MPP7: variants seen among roughly 807,000 people sequenced by gnomAD.
MPP7 encodes the protein MAGUK p55 scaffold protein 7.
Under a neutral mutation model 76.5 loss-of-function variants are expected in MPP7, and 60 were observed. The observed-to-expected ratio is 0.78, with a 90% CI of 0.64 to 0.97. The LOEUF (loss-of-function observed/expected upper bound fraction) is 0.97, where lower values mean the gene tolerates loss of function less well. Ranked by LOEUF, MPP7 falls within the 50% of genes least tolerant of loss-of-function variation. The pLI is 0.00. For missense variants in MPP7, 641 were observed against 694.0 expected, an observed-to-expected ratio of 0.92 and a Z score of 0.86; for synonymous variants, 237 against 244.5, an observed-to-expected ratio of 0.97 and a Z score of 0.29.
At chr10:28,115,052 G>A (rs1834619382) in intron 11 of MPP7, among the ~76,000 whole-genome samples, 1 of 151,646 alleles carries the variant, frequency 6.6e-6, no homozygotes, top group African/African-American at 2.4e-5. Context: ...ATTAGTATTA[G>A]GGGAAAAATA....
chr10:28,262,342 G>A (rs964549930), intron 1 of MPP7, among the ~76,000 whole-genome samples: 5 of 142,180 alleles, frequency 3.5e-5, no homozygotes, highest in East Asian at 2.1e-4. Flanking sequence ...GTGATCCACC[G>A]GCCTCGGCCT....
intron 1 of MPP7, among the ~76,000 whole-genome samples, chr10:28,285,206 T>G (rs1261721098): frequency 7.2e-5 from 11 of 152,180 alleles, no homozygotes; most frequent in Admixed American, 7.2e-4. Flanking sequence ...TTTTTTGAGA[T>G]GAAGTTTCGC....
intron 11 of MPP7, among the ~76,000 whole-genome samples, chr10:28,114,578 TC>T (rs1834603475): frequency 6.6e-6 from 1 of 152,138 alleles, no homozygotes; most frequent in African/African-American, 2.4e-5. Flanking sequence ...TGTGTGACAC[TC>T]CTGACAAGTG....
At chr10:28,113,577 G>C (rs1834571092) in intron 11 of MPP7, among the ~76,000 whole-genome samples, 1 of 152,114 alleles carries the variant, frequency 6.6e-6, no homozygotes, top group South Asian at 2.1e-4. Flanking sequence ...TCTGGTCACA[G>C]GTGGACACTT....
At chr10:28,256,499 C>T (rs1839790860) in intron 1 of MPP7, among the ~76,000 whole-genome samples, 1 of 151,810 alleles carries the variant, frequency 6.6e-6, no homozygotes, top group Non-Finnish European at 1.5e-5. Flanking sequence ...ACTGACTAAG[C>T]ATCATTAGAC....
intron 5 of MPP7, among the ~76,000 whole-genome samples, chr10:28,141,012 C>T (rs948563297): frequency 2.9e-4 from 44 of 151,798 alleles, no homozygotes; most frequent in African/African-American, 1.0e-3. Context: ...TTTTTAAATA[C>T]TAAAGTAAAA....
chr10:28,189,833 A>G (rs929380507), intron 3 of MPP7, among the ~76,000 whole-genome samples: 1 of 152,132 alleles, frequency 6.6e-6, no homozygotes, highest in Non-Finnish European at 1.5e-5. Context: ...ATATCAACAG[A>G]CACTTCAAAT....
chr10:28,136,857 C>G (rs1835368291), intron 5 of MPP7, among the ~76,000 whole-genome samples: 1 of 152,122 alleles, frequency 6.6e-6, no homozygotes, highest in Non-Finnish European at 1.5e-5. Context: ...ACTTAGTGAT[C>G]TGGGCAACTA....
intron 2 of MPP7, among the ~76,000 whole-genome samples, chr10:28,322,508 C>T (rs1029960771): frequency 3.9e-5 from 6 of 152,220 alleles, no homozygotes; most frequent in African/African-American, 1.4e-4. Context: ...CAGCCAGGCC[C>T]CAACCTTTCT....
chr10:28,198,827 G>A (rs931935608), intron 3 of MPP7, among the ~76,000 whole-genome samples: 2 of 152,170 alleles, frequency 1.3e-5, no homozygotes, highest in African/African-American at 4.8e-5. Flanking sequence ...GATGGGTCCT[G>A]GATGCAGCTC....
chr10:28,177,407 CAAAA>C (rs374281842), intron 3 of MPP7, among the ~76,000 whole-genome samples: 2 of 126,760 alleles, frequency 1.6e-5, no homozygotes. Context: ...GACTCCATTT[CAAAA>C]AAAAAAAAAA....
rs561110187 is a variant in MPP7 at position 28,162,388 on chromosome 10, C to A, written c.157-12329G>T. 2.6e-5 allele frequency among the ~76,000 whole-genome samples: 4 copies of A among 152,090 alleles called. No homozygotes were observed. In the South Asian group the frequency reaches 8.3e-4, roughly 32 times the overall value. On this transcript the variant is annotated intron_variant, in intron 3 of 16. Transcript: ENST00000683449. Reference sequence around the variant, plus strand: ...ATGGTAATAGCAGAGAAAAATGCCACCCACAGGTCAGGAGACTCTGAAATA... The same window carrying A: ...ATGGTAATAGCAGAGAAAAATGCCAACCACAGGTCAGGAGACTCTGAAATA...
chr10:28,312,119 C>T (rs1437100399), intron 2 of MPP7, among the ~76,000 whole-genome samples: 1 of 152,122 alleles, frequency 6.6e-6, no homozygotes, highest in Non-Finnish European at 1.5e-5. Flanking sequence ...AGCGAAAGAA[C>T]AAAGCTTCCA....
At chr10:28,118,020 A>T in intron 11 of MPP7, 1 of 909,652 alleles carries the variant, frequency 1.1e-6, no homozygotes, top group Non-Finnish European at 1.3e-6. Flanking sequence ...AAAAACAAAA[A>T]AAAACAAAAT....
intron 1 of MPP7, among the ~76,000 whole-genome samples, chr10:28,300,347 A>G (rs1841127084): frequency 6.6e-6 from 1 of 152,194 alleles, no homozygotes; most frequent in South Asian, 2.1e-4. Context: ...TACTTTACAA[A>G]CAGCCAAAAT....
chr10:28,063,116 C>T (rs1462299645), intron 13 of MPP7, among the ~76,000 whole-genome samples: 1 of 151,700 alleles, frequency 6.6e-6, no homozygotes, highest in Non-Finnish European at 1.5e-5. Context: ...GACATGTATC[C>T]AACAGTATGT....
At chr10:28,142,145 C>T (rs1302441136) in intron 5 of MPP7, among the ~76,000 whole-genome samples, 1 of 151,908 alleles carries the variant, frequency 6.6e-6, no homozygotes, top group African/African-American at 2.4e-5. Flanking sequence ...AACTCAGTGC[C>T]CAGAAGTCAT....
intron 1 of MPP7, among the ~76,000 whole-genome samples, chr10:28,331,263 A>T (rs377438536): frequency 4.4e-4 from 67 of 152,246 alleles, no homozygotes; most frequent in African/African-American, 1.6e-3. Flanking sequence ...GCCTTCAATT[A>T]ACTTCCTTCT....
At chr10:28,273,366 T>C (rs1011672612) in intron 1 of MPP7, among the ~76,000 whole-genome samples, 9 of 152,230 alleles carry the variant, frequency 5.9e-5, no homozygotes, top group African/African-American at 2.2e-4. Context: ...TACAAAAGAA[T>C]TCTATCTAGA....
Sources: gnomAD v4.1 joint callset for allele counts (sites outside exome capture counted in the v4.1 genomes callset) on GRCh38, gnomAD v4.1.1 for gene constraint, MANE v1.5 for transcripts, NCBI Gene and HGNC (gene_info 2026-07-23, HGNC 2026-07-21) for gene names.